The following PBX3 variants were observed in gnomAD, a reference collection of about 807,000 sequenced individuals.
PBX3 encodes PBX homeobox 3.
A neutral mutation model predicts 48.5 loss-of-function variants in PBX3; 14 were observed. The ratio of observed to expected loss-of-function variants is 0.29; its 90% CI spans 0.19 to 0.45. The LOEUF (loss-of-function observed/expected upper bound fraction) is 0.45, where lower values mean the gene tolerates loss of function less well. Ranked by LOEUF, PBX3 falls within the 20% of genes least tolerant of loss-of-function variation. The pLI, the probability that PBX3 is intolerant of heterozygous loss-of-function variation, is 1.00. For synonymous variants in PBX3, 210 were observed against 200.3 expected, an observed-to-expected ratio of 1.05 and a Z score of -0.41; for missense variants, 386 against 546.7, an observed-to-expected ratio of 0.71 and a Z score of 2.93.
intron 2 of PBX3, 31 bp downstream of exon 2, chr9:125,748,654 A>G: frequency 1.9e-6 from 3 of 1,585,644 alleles, no homozygotes; most frequent in Non-Finnish European, 2.6e-6. Context: ...GTGGGCCTGG[A>G]GACCCCCGAG....
At chr9:125,911,194 C>G (rs1219329828) in intron 2 of PBX3, among the ~76,000 whole-genome samples, 1 of 152,124 alleles carries the variant, frequency 6.6e-6, no homozygotes, top group Non-Finnish European at 1.5e-5. Context: ...GACCATGGGG[C>G]TTGTGACCTT....
intron 5 of PBX3, among the ~76,000 whole-genome samples, chr9:125,955,494 T>G (rs1842286864): frequency 6.6e-6 from 1 of 152,202 alleles, no homozygotes. Context: ...GAAAAGGGAA[T>G]TAAGTTACAG....
rs563278684 is a variant in PBX3, at chr9:125,789,408, G to C, written c.274+40785G>C. On this transcript the variant is annotated intron_variant, in intron 2 of 8. Coordinates refer to ENST00000373489, the MANE Select transcript of PBX3 (RefSeq NM_006195.6). The stretch of plus-strand genomic sequence containing the variant: ...GTTATCTTGAGAGTCACTTGGGGGA[G>C]GGTTTGCCTCTCTGCTCACTCACAT... 1.1e-4 allele frequency among the ~76,000 whole-genome samples: 16 copies of C among 152,304 alleles called. 1 individual carries two copies. In the South Asian group the frequency reaches 3.1e-3, roughly 30 times the overall value.
At chr9:125,840,897 G>T (rs1322901009) in intron 2 of PBX3, among the ~76,000 whole-genome samples, 1 of 151,996 alleles carries the variant, frequency 6.6e-6, no homozygotes, top group Non-Finnish European at 1.5e-5. Flanking sequence ...GAAATTATTT[G>T]CTTGTTTGAT....
At chr9:125,862,704 A>G (rs983440185) in intron 2 of PBX3, among the ~76,000 whole-genome samples, 2 of 152,010 alleles carry the variant, frequency 1.3e-5, no homozygotes, top group Admixed American at 1.3e-4. Context: ...GTACTTTTTA[A>G]GAAATGCTGT....
intron 2 of PBX3, among the ~76,000 whole-genome samples, chr9:125,767,984 G>A (rs1198883490): frequency 6.6e-6 from 1 of 151,978 alleles, no homozygotes; most frequent in Non-Finnish European, 1.5e-5. Context: ...GACGGGGAGA[G>A]GGGAGTTTAG....
chr9:125,772,929 A>C (rs139639013), intron 2 of PBX3, among the ~76,000 whole-genome samples: 1 of 152,180 alleles, frequency 6.6e-6, no homozygotes, highest in Non-Finnish European at 1.5e-5. Flanking sequence ...AAAGAGTGAT[A>C]TATGTGGATA....
chr9:125,845,607 T>C (rs1167172620), intron 2 of PBX3, among the ~76,000 whole-genome samples: 1 of 152,076 alleles, frequency 6.6e-6, no homozygotes, highest in Non-Finnish European at 1.5e-5. Flanking sequence ...AGGGATATGA[T>C]GAGGACAAAA....
At chr9:125,879,291 C>G (rs1224426669) in intron 2 of PBX3, among the ~76,000 whole-genome samples, 3 of 151,990 alleles carry the variant, frequency 2.0e-5, no homozygotes, top group African/African-American at 7.3e-5. Flanking sequence ...ATTGGCCAAC[C>G]TGATCTCGAT....
intron 3 of PBX3, among the ~76,000 whole-genome samples, chr9:125,921,099 C>G (rs1841447538): frequency 6.6e-6 from 1 of 152,164 alleles, no homozygotes; most frequent in Admixed American, 6.5e-5. Flanking sequence ...AGGATACTAC[C>G]TGATTTCATG....
intron 2 of PBX3, among the ~76,000 whole-genome samples, chr9:125,838,698 T>G (rs916748390): frequency 6.6e-6 from 1 of 152,256 alleles, no homozygotes; most frequent in Non-Finnish European, 1.5e-5. Context: ...TTTCTGCTAA[T>G]GTCAAGTGAC....
At chr9:125,899,255 ATATT>A (rs1335486452) in intron 2 of PBX3, among the ~76,000 whole-genome samples, 14 of 130,886 alleles carry the variant, frequency 1.1e-4, no homozygotes, top group African/African-American at 3.8e-4. Flanking sequence ...ATATGTATAT[ATATT>A]TATATATAAA....
At chr9:125,945,118 G>A (rs1042540234) in intron 5 of PBX3, among the ~76,000 whole-genome samples, 9 of 152,116 alleles carry the variant, frequency 5.9e-5, no homozygotes, top group Admixed American at 1.3e-4. Flanking sequence ...TAGCTACTCA[G>A]GAGGCTGAGG....
intron 8 of PBX3, among the ~76,000 whole-genome samples, chr9:125,964,371 T>C (rs1842489153): frequency 6.6e-6 from 1 of 152,188 alleles, no homozygotes. Flanking sequence ...GAGTTTTTCT[T>C]TTCCTAAGTA....
At chr9:125,783,053 T>G (rs1297246965) in intron 2 of PBX3, among the ~76,000 whole-genome samples, 1 of 152,204 alleles carries the variant, frequency 6.6e-6, no homozygotes, top group Non-Finnish European at 1.5e-5. Flanking sequence ...TCTTAGAGCT[T>G]ATTGAACCTT....
At chr9:125,751,220 A>T (rs1283516692) in intron 2 of PBX3, among the ~76,000 whole-genome samples, 2 of 152,218 alleles carry the variant, frequency 1.3e-5, no homozygotes, top group Admixed American at 6.5e-5. Flanking sequence ...TGATGACTCT[A>T]TTCTGCTTAA....
chr9:125,796,318 C>A (rs148210690), intron 2 of PBX3, among the ~76,000 whole-genome samples: 4 of 152,300 alleles, frequency 2.6e-5, no homozygotes, highest in African/African-American at 9.6e-5. Flanking sequence ...GGATCTTATA[C>A]TTATATCACC....
intron 2 of PBX3, among the ~76,000 whole-genome samples, chr9:125,778,242 G>A (rs1717256460): frequency 6.7e-6 from 1 of 150,358 alleles, no homozygotes; most frequent in African/African-American, 2.5e-5. Context: ...GATTACAGGT[G>A]TGAGCCACCG....
chr9:125,876,699 A>G (rs759923964), intron 2 of PBX3, among the ~76,000 whole-genome samples: 2 of 151,994 alleles, frequency 1.3e-5, no homozygotes, highest in Non-Finnish European at 2.9e-5. Context: ...CAGATTTTCA[A>G]CTGTGTAGGG....
Sources: allele counts gnomAD v4.1 joint callset (sites outside exome capture counted in the v4.1 genomes callset), GRCh38; gene constraint gnomAD v4.1.1; transcripts MANE v1.5; gene names NCBI Gene and HGNC (gene_info 2026-07-23, HGNC 2026-07-21).